ZBTB26: variants seen among roughly 807,000 people sequenced by gnomAD.
ZBTB26 encodes zinc finger and BTB domain containing 26.
Under a neutral mutation model 31.6 loss-of-function variants are expected in ZBTB26, and 12 were observed. The ratio of observed to expected loss-of-function variants is 0.38; its 90% CI spans 0.24 to 0.61. The LOEUF (loss-of-function observed/expected upper bound fraction) is 0.61, where lower values mean the gene tolerates loss of function less well. Among genes scored for constraint, ZBTB26 ranks in the 20% least tolerant of loss-of-function variants. The pLI is 0.60. For missense variants in ZBTB26, 311 were observed against 521.9 expected, an observed-to-expected ratio of 0.60 and a Z score of 3.94; for synonymous variants, 155 against 182.9, an observed-to-expected ratio of 0.85 and a Z score of 1.23.
Position 122,916,511 on chromosome 9 carries a change from A to G in ZBTB26, c.*2098T>C, listed in dbSNP as rs189546808. 32 of 152,352 alleles carry G rather than the reference A, an allele frequency of 2.1e-4. No homozygotes were observed. The highest frequency in any genetic ancestry group is 1.8e-3 in the Admixed American group (28 of 15,302). The allele number at this position is 152,352 out of a possible 1,614,324, so 9.4% of individuals were successfully genotyped here. ...TTCAAACCAGTAACAAAAACAAGAC[A>G]TGAATGTGAGCAAACGAAGCACTCC... On this transcript the variant is annotated 3_prime_UTR_variant, in exon 2 of 2. Coordinates refer to ENST00000373656, the MANE Select transcript of ZBTB26 (RefSeq NM_020924.4).
At position 122,918,624 on chromosome 9, in the gene ZBTB26, A is replaced by G. The variant is rs1311666121; in HGVS notation, c.1311T>C (p.Ser437=). 1.2e-6 allele frequency: 2 copies of G among 1,612,906 alleles called. No individual in the cohort carries two copies. The highest frequency in any genetic ancestry group is 1.3e-5 in the African/African-American group (1 of 74,870). ...AQAVLNLRND[S]TCVN The stretch of plus-strand genomic sequence containing the variant: ...AAGCCCCTACTCAATTCACACAAGT[A>G]CTATCATTTCTTAAGTTCAGGACAG... Residue 437 remains serine, a synonymous_variant, in exon 2 of 2, where the codon AGT becomes AGC. Transcript: ENST00000373656.
At chr9:122,923,195 A>G (rs1168450627) in intron 1 of ZBTB26, among the ~76,000 whole-genome samples, 2 of 149,786 alleles carry the variant, frequency 1.3e-5, no homozygotes, top group African/African-American at 4.9e-5. Flanking sequence ...AAAAAAAAAA[A>G]GAAAAAAAAA....
At chr9:122,928,780 A>C (rs915983767) in intron 1 of ZBTB26, among the ~76,000 whole-genome samples, 10 of 152,296 alleles carry the variant, frequency 6.6e-5, no homozygotes, top group African/African-American at 2.4e-4. Context: ...TTTCCCTATC[A>C]CTTGAAATGC....
At chr9:122,922,341 A>G (rs1226516071) in intron 1 of ZBTB26, among the ~76,000 whole-genome samples, 3 of 152,160 alleles carry the variant, frequency 2.0e-5, no homozygotes, top group Non-Finnish European at 4.4e-5. Context: ...AATAGAGTAG[A>G]ATTGTCTCTT....
intron 1 of ZBTB26, among the ~76,000 whole-genome samples, chr9:122,920,896 C>T (rs1422339558): frequency 6.6e-6 from 1 of 152,178 alleles, no homozygotes; most frequent in East Asian, 1.9e-4. Flanking sequence ...GCCTTGGCTT[C>T]CTGCTTATGT....
rs1036458581 is a variant in ZBTB26 at position 122,931,490 on chromosome 9, C to G, written c.-64G>C. On this transcript the variant is annotated 5_prime_UTR_variant, in exon 1 of 2. Transcript: ENST00000373656. ...CCGGCACCGCCAGGAGCTCCGGCCC[C>G]TCGGGGCTCCGGGAAGGGGGAGGGG... The G allele has an allele frequency of 3.3e-5, 5 of 152,620 alleles. No homozygotes were observed. The highest frequency in any genetic ancestry group is 5.9e-5 in the Non-Finnish European group (4 of 68,170). The allele number at this position is 152,620 out of a possible 1,614,324, so 9.5% of individuals were successfully genotyped here. A position where few individuals can be genotyped will look rare whatever the true frequency, so the allele number is the denominator to read the frequency against.
At position 122,916,619 on chromosome 9, in the gene ZBTB26, A is replaced by G. The variant is rs1054314442; in HGVS notation, c.*1990T>C. 13 of 152,188 alleles carry G rather than the reference A, an allele frequency of 8.5e-5. No homozygotes were observed. Among genetic ancestry groups the G allele is most frequent in the Admixed American group, 2.6e-4 (4 of 15,284 alleles). 9.4% of individuals were successfully genotyped at this position (152,188 alleles called of 1,614,324 possible). A position where few individuals can be genotyped will look rare whatever the true frequency, so the allele number is the denominator to read the frequency against. On this transcript the variant is annotated 3_prime_UTR_variant, in exon 2 of 2. Coordinates refer to ENST00000373656, the MANE Select transcript of ZBTB26 (RefSeq NM_020924.4). ...TTGGTTGACAGGGTAGAGTCTCACT[A>G]TTGCATAGAATTGGTACTCTTTGGC...
Position 122,919,613 on chromosome 9 carries a change from T to C in ZBTB26, c.322A>G (p.Ser108Gly), listed in dbSNP as rs765818600. Residue 108 changes from serine to glycine, a missense_variant, in exon 2 of 2, where the codon AGT (serine) becomes GGT (glycine). Ser to Gly is a moderately conservative substitution (Grantham distance 56, BLOSUM62 0). Transcript: ENST00000373656. This position sits in a 1 kb window ranked among gnomAD's most constrained non-coding sequence, Gnocchi z 6.1. ...ACAATGTGGCTCATCTGAAGAAAAC[T>C]TGCAGCAGTCAAGTAATTTACCAGT... ...MELVNYLTAA[S>G]FLQMSHIVER... 3 of 1,614,054 alleles carry C rather than the reference T, an allele frequency of 1.9e-6. No homozygotes were observed. The highest frequency in any genetic ancestry group is 1.3e-5 in the African/African-American group (1 of 74,920).
At chr9:122,925,307 C>T (rs1372817905) in intron 1 of ZBTB26, among the ~76,000 whole-genome samples, 1 of 152,048 alleles carries the variant, frequency 6.6e-6, no homozygotes, top group African/African-American at 2.4e-5. Context: ...ACGAGGCAGA[C>T]GTTGCAGTGA....
Position 122,918,578 on chromosome 9 carries a change from T to G in ZBTB26, c.*31A>C. On this transcript the variant is annotated 3_prime_UTR_variant, in exon 2 of 2. Transcript: ENST00000373656. ...ACTAAGACTATTGCCACATTGTCAG[T>G]CAGTTCGAGTTGTGAGCATGAAGCC... 1 of 1,583,486 alleles carries G rather than the reference T, an allele frequency of 6.3e-7. No homozygotes were observed. Among genetic ancestry groups the G allele is most frequent in the East Asian group, 2.2e-5 (1 of 44,710 alleles).
rs1281408607 is a variant in ZBTB26 at position 122,918,322 on chromosome 9, T to C, written c.*287A>G. The stretch of plus-strand genomic sequence containing the variant: ...GTGCCTAGTGAAAAGCCTAAAACAG[T>C]GTCAGTCTAAGACATAAGTCAATGT... On this transcript the variant is annotated 3_prime_UTR_variant, in exon 2 of 2. Transcript: ENST00000373656. 3 of 356,220 alleles carry C rather than the reference T, an allele frequency of 8.4e-6. No individual in the cohort carries two copies. Among genetic ancestry groups the C allele is most frequent in the Non-Finnish European group, 1.5e-5 (3 of 196,458 alleles). 22.1% of individuals were successfully genotyped at this position (356,220 alleles called of 1,614,324 possible).
Position 122,916,416 on chromosome 9 carries a change from CA to C in ZBTB26, c.*2192del, listed in dbSNP as rs1273231841. On this transcript the variant is annotated 3_prime_UTR_variant, in exon 2 of 2. Transcript: ENST00000373656. ...AGGTGCTTAACTAATGTTTCTTGAA[CA>C]ACTGAATGAACCCAGAAATAGTCTC... 2 of 152,140 alleles carry C rather than the reference CA, an allele frequency of 1.3e-5. No homozygotes were observed. The highest frequency in any genetic ancestry group is 2.9e-5 in the Non-Finnish European group (2 of 68,020). 9.4% of individuals were successfully genotyped at this position (152,140 alleles called of 1,614,324 possible). A position where few individuals can be genotyped will look rare whatever the true frequency, so the allele number is the denominator to read the frequency against.
rs776054905 is a variant in ZBTB26, at chr9:122,917,290, T to C, written c.*1319A>G. 34 of 152,184 alleles carry C rather than the reference T, an allele frequency of 2.2e-4. No homozygotes were observed. Among genetic ancestry groups the C allele is most frequent in the Non-Finnish European group, 4.4e-4 (30 of 68,040 alleles). 9.4% of individuals were successfully genotyped at this position (152,184 alleles called of 1,614,324 possible). On this transcript the variant is annotated 3_prime_UTR_variant, in exon 2 of 2. Transcript: ENST00000373656. ...ATATTTAGTTATACCTTGGTCAATA[T>C]TGGCCAGGCCACCTCTTCAGGCTTT...
At chr9:122,930,745 C>T (rs1389830016) in intron 1 of ZBTB26, among the ~76,000 whole-genome samples, 1 of 152,208 alleles carries the variant, frequency 6.6e-6, no homozygotes, top group Non-Finnish European at 1.5e-5. Context: ...CATTTCTCCA[C>T]AGTATTGCAA....
chr9:122,926,452 A>T (rs576550116), intron 1 of ZBTB26, among the ~76,000 whole-genome samples: 1 of 150,010 alleles, frequency 6.7e-6, no homozygotes, highest in African/African-American at 2.5e-5. Flanking sequence ...GCTTGCAGTG[A>T]GCTGAGATTG....
At chr9:122,926,757 T>C (rs1833189001) in intron 1 of ZBTB26, among the ~76,000 whole-genome samples, 1 of 152,230 alleles carries the variant, frequency 6.6e-6, no homozygotes, top group African/African-American at 2.4e-5. Context: ...TATTATGCCT[T>C]TATCCTTATT....
rs1833033490 is a variant in ZBTB26 at position 122,917,743 on chromosome 9, A to G, written c.*866T>C. On this transcript the variant is annotated 3_prime_UTR_variant, in exon 2 of 2. Coordinates refer to ENST00000373656, the MANE Select transcript of ZBTB26 (RefSeq NM_020924.4). ...AAACAAAATTCAGAGACTCCCAAAT[A>G]GCCTCTTTTTAGAGAGCCCACTATA... 6.6e-6 allele frequency: 1 copy of G among 152,216 alleles called. No individual in the cohort carries two copies. The highest frequency in any genetic ancestry group is 1.5e-5 in the Non-Finnish European group (1 of 68,046). 9.4% of individuals were successfully genotyped at this position (152,216 alleles called of 1,614,324 possible).
At chr9:122,926,050 C>T (rs978116264) in intron 1 of ZBTB26, among the ~76,000 whole-genome samples, 5 of 151,998 alleles carry the variant, frequency 3.3e-5, no homozygotes, top group Admixed American at 6.5e-5. Flanking sequence ...TGAGCCACTG[C>T]GCCAGGCCTA....
intron 1 of ZBTB26, among the ~76,000 whole-genome samples, chr9:122,920,983 C>T (rs766155789): frequency 3.9e-5 from 6 of 152,188 alleles, no homozygotes; most frequent in Non-Finnish European, 7.3e-5. Context: ...TGCCTAAACT[C>T]CTTCAGTGAC....
Sources: allele counts gnomAD v4.1 joint callset (sites outside exome capture counted in the v4.1 genomes callset), GRCh38; gene constraint gnomAD v4.1.1; non-coding constraint Gnocchi (gnomAD v3.1); transcripts MANE v1.5; gene names NCBI Gene and HGNC (gene_info 2026-07-23, HGNC 2026-07-21).